The following UMAD1 variants were observed in gnomAD, a reference collection of about 807,000 sequenced individuals.
The protein encoded by UMAD1 is UBAP1-MVB12-associated (UMA)-domain containing protein 1.
In UMAD1, 8 loss-of-function variants were observed where a neutral mutation model predicts 6.1. The observed-to-expected ratio is 1.30, with a 90% CI of 0.76 to 2.35. The LOEUF (loss-of-function observed/expected upper bound fraction) is 2.35, where lower values mean the gene tolerates loss of function less well. Among genes scored for constraint, UMAD1 ranks in the 30% most tolerant of loss-of-function variants. The pLI is 0.00. For synonymous variants in UMAD1, 56 were observed against 31.4 expected (o/e 1.78, Z -2.61); for missense variants, 130 against 78.4 (o/e 1.66, Z -2.49).
chr7:7,649,294 G>T (rs938723482), intron 1 of UMAD1, among the ~76,000 whole-genome samples: 3 of 152,142 alleles, frequency 2.0e-5, no homozygotes, highest in Admixed American at 6.5e-5. Flanking sequence ...AAGACAGAAA[G>T]GCAAGAGACC....
chr7:7,801,700 C>T lies in UMAD1; in HGVS notation c.113C>T (p.Ala38Val), dbSNP rs909524748. 1 of 718,038 alleles carries T rather than the reference C, an allele frequency of 1.4e-6. No individual in the cohort carries two copies. The highest frequency in any genetic ancestry group is 1.7e-5 in the African/African-American group (1 of 57,384). 44.5% of individuals were successfully genotyped at this position (718,038 alleles called of 1,614,324 possible). A position where few individuals can be genotyped will look rare whatever the true frequency, so the allele number is the denominator to read the frequency against. The change falls in exon 3 of 4, where the codon GCA becomes GTA. Residue 38 changes from alanine (A) to valine (V), a missense_variant. By Grantham distance (64) the Ala-to-Val change is moderately conservative. Coordinates refer to ENST00000682710, the MANE Select transcript of UMAD1 (RefSeq NM_001302348.2). ...ACAACAGATGAGCAAAGAATGACAG[C>T]AAGAGGCAAAACTTCGGACATAGAG... The part of the protein sequence containing the change: ...GDTTDEQRMT[A>V]RGKTSDIEAN...
At chr7:7,783,873 C>CAA (rs1782402066) in intron 2 of UMAD1, among the ~76,000 whole-genome samples, 1 of 152,050 alleles carries the variant, frequency 6.6e-6, no homozygotes, top group African/African-American at 2.4e-5. Context: ...AAAATAAGAC[C>CAA]AAAGACTGAC....
intron 3 of UMAD1, among the ~76,000 whole-genome samples, chr7:7,827,151 G>A (rs1179346427): frequency 1.4e-5 from 2 of 147,760 alleles, no homozygotes; most frequent in African/African-American, 2.5e-5. Context: ...ATATATATGT[G>A]TGTGTGTGTG....
chr7:7,724,958 G>A (rs1781113477), intron 2 of UMAD1, among the ~76,000 whole-genome samples: 1 of 152,168 alleles, frequency 6.6e-6, no homozygotes, highest in Non-Finnish European at 1.5e-5. Flanking sequence ...CCATTACATT[G>A]ATGACATTAT....
chr7:7,651,951 C>G (rs1159483455), intron 1 of UMAD1, among the ~76,000 whole-genome samples: 4 of 152,208 alleles, frequency 2.6e-5, no homozygotes, highest in Non-Finnish European at 5.9e-5. Flanking sequence ...CACTGCCCTC[C>G]TGACTCCTCC....
rs574433585 is a variant in UMAD1, at chr7:7,687,161, A to C, written c.82+13708A>C. On this transcript the variant is annotated intron_variant, in intron 2 of 3. Transcript: ENST00000682710. ...GTAATACAGGTACTGAACTGGAAATAATAGTATTTGGATTCTATTTAAGTT... is the reference window on the plus strand; with the variant it reads ...GTAATACAGGTACTGAACTGGAAATCATAGTATTTGGATTCTATTTAAGTT... 2.0e-5 allele frequency: 3 copies of C among 152,334 alleles called. 1 individual carries two copies. Among genetic ancestry groups the C allele is most frequent in the South Asian group, 2.1e-4 (1 of 4,830 alleles). 9.4% of individuals were successfully genotyped at this position (152,334 alleles called of 1,614,324 possible). A position where few individuals can be genotyped will look rare whatever the true frequency, so the allele number is the denominator to read the frequency against.
chr7:7,794,664 T>TAG (rs1391888577), intron 2 of UMAD1, among the ~76,000 whole-genome samples: 1 of 152,206 alleles, frequency 6.6e-6, no homozygotes, highest in African/African-American at 2.4e-5. Flanking sequence ...GACACTGGTA[T>TAG]AGGACCTCAT....
rs149647949 is a variant in UMAD1 at position 7,856,969 on chromosome 7, G to A, written c.157-20312G>A. 7.9e-4 allele frequency among the ~76,000 whole-genome samples: 120 copies of A among 152,230 alleles called. 1 individual carries two copies. Among genetic ancestry groups the A allele is most frequent in the African/African-American group, 2.6e-3 (109 of 41,546 alleles). ...GAATTTAAAAAATTTTTCAACTTGT[G>A]ATTTGCTTTACTTTTTATAGTTGAT... On this transcript the variant is annotated intron_variant, in intron 3 of 3. Transcript: ENST00000682710.
At chr7:7,709,563 A>G (rs1179242176) in intron 2 of UMAD1, among the ~76,000 whole-genome samples, 3 of 152,230 alleles carry the variant, frequency 2.0e-5, no homozygotes, top group Non-Finnish European at 2.9e-5. Context: ...GCAAGGGCAA[A>G]ATGAGGCTTG....
intron 2 of UMAD1, among the ~76,000 whole-genome samples, chr7:7,680,574 A>G (rs1327459911): frequency 1.3e-5 from 2 of 152,102 alleles, no homozygotes; most frequent in African/African-American, 4.8e-5. Flanking sequence ...ATTTCTGTGA[A>G]GAATGTCTTT....
intron 2 of UMAD1, chr7:7,685,996 C>A (rs1439606575): frequency 6.6e-6 from 1 of 152,208 alleles, no homozygotes; most frequent in Non-Finnish European, 1.5e-5. Context: ...GCCTTGCCCA[C>A]ACCTAGTGAA....
chr7:7,706,739 G>T (rs1019932118), intron 2 of UMAD1, among the ~76,000 whole-genome samples: 4 of 152,158 alleles, frequency 2.6e-5, no homozygotes, highest in African/African-American at 9.7e-5. Flanking sequence ...GTAAGAGTGC[G>T]TGGTTAGTAA....
At chr7:7,723,538 A>C (rs552728090) in intron 2 of UMAD1, among the ~76,000 whole-genome samples, 4 of 152,294 alleles carry the variant, frequency 2.6e-5, no homozygotes, top group Middle Eastern at 3.4e-3. Flanking sequence ...TAGTCACTTT[A>C]GACCTACTCT....
At chr7:7,867,856 T>C (rs1183517923) in intron 3 of UMAD1, among the ~76,000 whole-genome samples, 2 of 152,198 alleles carry the variant, frequency 1.3e-5, no homozygotes, top group Non-Finnish European at 2.9e-5. Flanking sequence ...CCCTAATTGA[T>C]GAAGCCATGT....
At chr7:7,790,704 C>G (rs1782552494) in intron 2 of UMAD1, among the ~76,000 whole-genome samples, 1 of 152,186 alleles carries the variant, frequency 6.6e-6, no homozygotes, top group Non-Finnish European at 1.5e-5. Context: ...CTAATTAAGG[C>G]AGTAATTTCT....
intron 3 of UMAD1, among the ~76,000 whole-genome samples, chr7:7,826,829 TAAAGAA>T (rs1563238708): frequency 1.3e-5 from 2 of 152,102 alleles, no homozygotes. Context: ...TACCTGTAAT[TAAAGAA>T]GAAGAAGAAA....
chr7:7,847,510 T>G (rs954367351), intron 3 of UMAD1, among the ~76,000 whole-genome samples: 6 of 152,004 alleles, frequency 3.9e-5, no homozygotes, highest in African/African-American at 1.4e-4. Context: ...CCCTCCCCAG[T>G]GAGCGTTTCT....
Position 7,874,270 on chromosome 7 carries a change from C to T in UMAD1, c.157-3011C>T, listed in dbSNP as rs561105297. 9.8e-5 allele frequency among the ~76,000 whole-genome samples: 15 copies of T among 152,352 alleles called. No individual in the cohort carries two copies. The South Asian group carries it at 3.1e-3, about 32-fold the overall frequency. The stretch of plus-strand genomic sequence containing the variant: ...TTGCTATCCCTGCTCTAATCGACTT[C>T]ATAAGTAATCTGTCATTCCCAGCTA... On this transcript the variant is annotated intron_variant, in intron 3 of 3. Transcript: ENST00000682710.
chr7:7,806,730 T>G (rs1782924377), intron 3 of UMAD1, among the ~76,000 whole-genome samples: 1 of 152,214 alleles, frequency 6.6e-6, no homozygotes, highest in Non-Finnish European at 1.5e-5. Context: ...TTTAATAAAT[T>G]CAGTTAGCTT....
Sources: allele counts gnomAD v4.1 joint callset (sites outside exome capture counted in the v4.1 genomes callset), GRCh38; gene constraint gnomAD v4.1.1; transcripts MANE v1.5; gene names NCBI Gene and HGNC (gene_info 2026-07-23, HGNC 2026-07-21).